The following UBASH3B variants were observed in gnomAD, a reference collection of about 807,000 sequenced individuals.
UBASH3B encodes ubiquitin associated and SH3 domain containing B, also known as ubiquitin-associated and SH3 domain-containing protein B.
A neutral mutation model predicts 83.4 loss-of-function variants in UBASH3B; 37 were observed. The ratio of observed to expected loss-of-function variants is 0.44; its 90% CI spans 0.34 to 0.58. The LOEUF is 0.58. UBASH3B is among the 20% of genes least tolerant of loss of function. UBASH3B has a pLI of 0.01. For synonymous variants in UBASH3B, 304 were observed against 318.3 expected, an observed-to-expected ratio of 0.96 and a Z score of 0.48; for missense variants, 657 against 827.2, an observed-to-expected ratio of 0.79 and a Z score of 2.52.
chr11:122,742,418 T>A (rs141823311), intron 1 of UBASH3B, among the ~76,000 whole-genome samples: 808 of 152,268 alleles, frequency 5.3e-3, no homozygotes, highest in African/African-American at 0.019. Context: ...GATGCTCCAT[T>A]TTATGGGTCC....
intron 1 of UBASH3B, among the ~76,000 whole-genome samples, chr11:122,746,702 G>A (rs914453556): frequency 2.6e-5 from 4 of 152,190 alleles, no homozygotes; most frequent in African/African-American, 7.2e-5. Context: ...TATCTGTGGT[G>A]GGGAAGTCGG....
Position 122,679,000 on chromosome 11 carries a change from G to A in UBASH3B, c.161+22790G>A, listed in dbSNP as rs576463432. Among the ~76,000 whole-genome samples the A allele has an allele frequency of 1.2e-4, 18 of 152,276 alleles. No homozygotes were observed. In the East Asian group the frequency reaches 2.5e-3, roughly 21 times the overall value. ...AAGGATGCCTCTGTGTTTAAGAGCC[G>A]TAGTGTCATAACCATGTAATTCAGG... is the stretch of plus-strand genomic sequence containing the variant. On this transcript the variant is annotated intron_variant, in intron 1 of 13. Coordinates refer to ENST00000284273, the MANE Select transcript of UBASH3B (RefSeq NM_032873.5).
At chr11:122,774,859 C>T (rs772674717) in intron 1 of UBASH3B, among the ~76,000 whole-genome samples, 14 of 152,118 alleles carry the variant, frequency 9.2e-5, no homozygotes, top group Admixed American at 2.0e-4. Context: ...GACCACCACG[C>T]GCCCCATCCA....
rs1863351332 is a variant in UBASH3B, at chr11:122,655,895, G to C, written c.-155G>C. On this transcript the variant is annotated 5_prime_UTR_variant, in exon 1 of 14. Transcript: ENST00000284273. The stretch of plus-strand genomic sequence containing the variant: ...CCTCACCAGGAAGCGTCAGAGTCCC[G>C]ACACTGGGGAAGCTCGGAGCGCCGC... 3 of 817,520 alleles carry C rather than the reference G, an allele frequency of 3.7e-6. No individual in the cohort carries two copies. The highest frequency in any genetic ancestry group is 5.3e-6 in the Non-Finnish European group (3 of 566,072). The allele number at this position is 817,520 out of a possible 1,614,324, so 50.6% of individuals were successfully genotyped here.
intron 1 of UBASH3B, among the ~76,000 whole-genome samples, chr11:122,705,981 G>A (rs897403948): frequency 6.6e-6 from 1 of 152,118 alleles, no homozygotes; most frequent in African/African-American, 2.4e-5. Flanking sequence ...GGACACAAGT[G>A]GGGGCTGCCT....
At chr11:122,740,463 A>G (rs1861006462) in intron 1 of UBASH3B, among the ~76,000 whole-genome samples, 1 of 152,210 alleles carries the variant, frequency 6.6e-6, no homozygotes, top group African/African-American at 2.4e-5. Flanking sequence ...GCAGCTGTTT[A>G]CTGAAAGCAC....
Position 122,794,830 on chromosome 11 carries a change from T to C in UBASH3B, c.1109T>C (p.Met370Thr), listed in dbSNP as rs766563132. Reference protein sequence around the residue: ...TTPLTIICQPMQPLRVNSQPG... With the variant: ...TTPLTIICQPTQPLRVNSQPG... The stretch of plus-strand genomic sequence containing the variant: ...CCTCTTACTATCATCTGCCAGCCCA[T>C]GCAGGTAAGGCTGATTGCTAGGGTC... Residue 370 changes from methionine to threonine, a missense_variant, in exon 7 of 14, where the codon ATG (methionine) becomes ACG (threonine). Around this residue, in one of 3 missense-constraint regions of UBASH3B, gnomAD observed 573 missense variants for 739.0 expected, o/e 0.78. Transcript: ENST00000284273. The C allele has an allele frequency of 3.1e-6, 5 of 1,613,718 alleles. No homozygotes were observed. The South Asian group carries it at 4.4e-5, about 14-fold the overall frequency.
In UBASH3B at chr11:122,812,076, G is replaced by A. The variant is rs1246138908; in HGVS notation, c.*2190G>A. The stretch of plus-strand genomic sequence containing the variant: ...TTCTAGGTTATCTTAGTTGTATGAC[G>A]AACTGATAAATCTGTCTGACTGGGC... On this transcript the variant is annotated 3_prime_UTR_variant, in exon 14 of 14. Transcript: ENST00000284273. The A allele has an allele frequency of 1.3e-5, 2 of 152,194 alleles. No homozygotes were observed. The highest frequency in any genetic ancestry group is 2.4e-5 in the African/African-American group (1 of 41,444). The allele number at this position is 152,194 out of a possible 1,614,324, so 9.4% of individuals were successfully genotyped here.
intron 1 of UBASH3B, among the ~76,000 whole-genome samples, chr11:122,693,668 T>C (rs948774797): frequency 2.6e-5 from 4 of 150,978 alleles, no homozygotes; most frequent in Admixed American, 6.6e-5. Flanking sequence ...AGGTCAGGAG[T>C]TGGAGACCAG....
In UBASH3B at chr11:122,796,182, C is replaced by T. The variant is rs908404715; in HGVS notation, c.1140C>T (p.Gly380=). The stretch of plus-strand genomic sequence containing the variant: ...CGCTGAGGGTCAACAGCCAGCCCGG[C>T]CCCCAGAAGCGATGCCTTTTTGTGT... ...MQPLRVNSQP[G]PQKRCLFVCR... The change falls in exon 8 of 14, where the codon GGC becomes GGT. Residue 380 remains glycine, a synonymous_variant. Transcript: ENST00000284273. 5 of 1,613,934 alleles carry T rather than the reference C, an allele frequency of 3.1e-6. No homozygotes were observed. Among genetic ancestry groups the T allele is most frequent in the South Asian group, 2.2e-5 (2 of 91,080 alleles).
chr11:122,781,230 T>C (rs1860847157), intron 4 of UBASH3B, among the ~76,000 whole-genome samples: 1 of 151,082 alleles, frequency 6.6e-6, no homozygotes, highest in Non-Finnish European at 1.5e-5. Flanking sequence ...CTGACTTCAG[T>C]GAAGCCTGAC....
chr11:122,704,738 G>A (rs1171342752), intron 1 of UBASH3B, among the ~76,000 whole-genome samples: 4 of 152,030 alleles, frequency 2.6e-5, no homozygotes, highest in Non-Finnish European at 4.4e-5. Flanking sequence ...TTGAACTCCT[G>A]ACCTCAAGTG....
At chr11:122,787,601 T>C (rs1200396207) in intron 5 of UBASH3B, among the ~76,000 whole-genome samples, 2 of 152,148 alleles carry the variant, frequency 1.3e-5, no homozygotes, top group East Asian at 1.9e-4. Flanking sequence ...AGCCAATTAG[T>C]TCACAGGCCT....
chr11:122,765,392 T>C (rs1412988815), intron 1 of UBASH3B, among the ~76,000 whole-genome samples: 3 of 152,204 alleles, frequency 2.0e-5, no homozygotes, highest in Admixed American at 1.3e-4. Flanking sequence ...CTTGCGACGC[T>C]TCCCACTGAG....
At chr11:122,747,421 GT>G (rs1861135891) in intron 1 of UBASH3B, among the ~76,000 whole-genome samples, 1 of 152,196 alleles carries the variant, frequency 6.6e-6, no homozygotes, top group Non-Finnish European at 1.5e-5. Context: ...AAGGCACCCT[GT>G]GGGGACAGTG....
At chr11:122,697,024 A>G (rs1358017924) in intron 1 of UBASH3B, among the ~76,000 whole-genome samples, 1 of 152,210 alleles carries the variant, frequency 6.6e-6, no homozygotes, top group African/African-American at 2.4e-5. Context: ...GTTTGTTCAT[A>G]GCAAAGAAAA....
chr11:122,721,412 A>G (rs1860635688), intron 1 of UBASH3B, among the ~76,000 whole-genome samples: 2 of 152,246 alleles, frequency 1.3e-5, no homozygotes, highest in Non-Finnish European at 2.9e-5. Context: ...TGGGAGGACC[A>G]CTAAATCTTT....
chr11:122,777,703 C>T (rs1419167482), intron 3 of UBASH3B, among the ~76,000 whole-genome samples: 8 of 152,052 alleles, frequency 5.3e-5, no homozygotes, highest in Admixed American at 5.2e-4. Flanking sequence ...TCCTAGCTGT[C>T]AGAAAGCTTA....
At chr11:122,698,270 C>T (rs921081844) in intron 1 of UBASH3B, among the ~76,000 whole-genome samples, 1 of 151,900 alleles carries the variant, frequency 6.6e-6, no homozygotes, top group African/African-American at 2.4e-5. Context: ...CTACCCATAC[C>T]CCCATAGTCA....
Sources: allele counts gnomAD v4.1 joint callset (sites outside exome capture counted in the v4.1 genomes callset), GRCh38; gene constraint gnomAD v4.1.1; regional missense constraint gnomAD v4.1.1; transcripts MANE v1.5; gene names NCBI Gene and HGNC (gene_info 2026-07-23, HGNC 2026-07-21).